Variants in ANKRD26 observed in about 807,000 individuals in gnomAD.
ANKRD26 encodes the protein ankyrin repeat domain 26, also known as ankyrin repeat domain-containing protein 26.
In ANKRD26, 141 loss-of-function variants were observed where a neutral mutation model predicts 208.7. The ratio of observed to expected loss-of-function variants is 0.68; its 90% CI spans 0.59 to 0.78. The LOEUF (loss-of-function observed/expected upper bound fraction) is 0.78. ANKRD26 is among the 30% of genes least tolerant of loss of function. ANKRD26 has a pLI of 0.00. For synonymous variants in ANKRD26, 636 were observed against 660.4 expected, an observed-to-expected ratio of 0.96 and a Z score of 0.57; for missense variants, 1,889 against 1,938.7, an observed-to-expected ratio of 0.97 and a Z score of 0.48.
Position 27,013,073 on chromosome 10 carries a change from G to A in ANKRD26, c.4762C>T (p.Leu1588Phe), listed in dbSNP as rs778242497. ...ERLAEVNTKLLVEKQQSRSLF... is the reference protein window; with the variant it reads ...ERLAEVNTKLFVEKQQSRSLF... ...GATCTGCTCTGCTGTTTTTCCACAA[G>A]AAGTTTGGTGTTGACCTCTGCTAGC... Residue 1588 changes from leucine (L) to phenylalanine (F), a missense_variant, in exon 32 of 34, where the codon CTT becomes TTT. Transcript: ENST00000376087. 41 of 1,613,870 alleles carry A rather than the reference G, an allele frequency of 2.5e-5. No homozygotes were observed. The highest frequency in any genetic ancestry group is 3.4e-5 in the Non-Finnish European group (40 of 1,179,938).
intron 9 of ANKRD26, among the ~76,000 whole-genome samples, chr10:27,069,972 C>G (rs763324318): frequency 1.3e-5 from 2 of 151,796 alleles, no homozygotes; most frequent in African/African-American, 4.8e-5. Context: ...AAATAAATAG[C>G]TAGGCATGGT....
intron 4 of ANKRD26, among the ~76,000 whole-genome samples, chr10:26,995,495 A>G (rs1223637258): frequency 6.6e-6 from 1 of 152,226 alleles, no homozygotes; most frequent in Non-Finnish European, 1.5e-5. Flanking sequence ...TGCTAAAAAA[A>G]GGAAGGCAGA....
chr10:27,002,847 G>C (rs2052755135), downstream of ANKRD26, among the ~76,000 whole-genome samples: 1 of 152,144 alleles, frequency 6.6e-6, no homozygotes, highest in Non-Finnish European at 1.5e-5. Flanking sequence ...TTTATTCCTT[G>C]ATTTAACACA....
intron 9 of ANKRD26, among the ~76,000 whole-genome samples, chr10:27,069,194 C>CAAAAAA: frequency 1.1e-5 from 1 of 88,124 alleles, no homozygotes; most frequent in Non-Finnish European, 2.1e-5. Flanking sequence ...GACGTCGTCT[C>CAAAAAA]AAAAAAAAAA....
downstream of ANKRD26, among the ~76,000 whole-genome samples, chr10:26,971,570 G>T (rs899198838): frequency 4.0e-4 from 61 of 151,024 alleles, no homozygotes; most frequent in Non-Finnish European, 8.3e-4. Flanking sequence ...AGCTACTCAG[G>T]CAGGCTGAGG....
chr10:27,086,413 G>GA, intron 5 of ANKRD26, 126 bp downstream of exon 5: 1 of 1,223,778 alleles, frequency 8.2e-7, no homozygotes, highest in Non-Finnish European at 1.1e-6. Flanking sequence ...GAGAAATTAA[G>GA]AAAAAATACA....
chr10:26,969,601 A>G (rs1039775123), downstream of ANKRD26, among the ~76,000 whole-genome samples: 1 of 152,216 alleles, frequency 6.6e-6, no homozygotes, highest in African/African-American at 2.4e-5. Context: ...GGATCCAGAC[A>G]TTCAGCTTCC....
At chr10:27,072,524 G>C (rs2055541015) in intron 9 of ANKRD26, among the ~76,000 whole-genome samples, 1 of 152,124 alleles carries the variant, frequency 6.6e-6, no homozygotes, top group Non-Finnish European at 1.5e-5. Context: ...CAATGGACAG[G>C]GACTTTTGGG....
downstream of ANKRD26, among the ~76,000 whole-genome samples, chr10:27,002,179 G>A (rs1194256956): frequency 2.0e-5 from 3 of 152,168 alleles, no homozygotes; most frequent in African/African-American, 7.2e-5. Context: ...GGAGGAAAGT[G>A]GTGAAGGCAA....
intron 33 of ANKRD26, among the ~76,000 whole-genome samples, chr10:27,006,016 A>T (rs2052863753): frequency 6.6e-6 from 1 of 152,164 alleles, no homozygotes; most frequent in Non-Finnish European, 1.5e-5. Context: ...GATATGATCC[A>T]CCTCTAACAA....
downstream of ANKRD26, among the ~76,000 whole-genome samples, chr10:26,970,154 C>G (rs187087807): frequency 6.6e-6 from 1 of 151,982 alleles, no homozygotes; most frequent in African/African-American, 2.4e-5. Flanking sequence ...TTGTTTAATA[C>G]TAGATAATTG....
At chr10:27,014,090 A>G (rs2053208875) in intron 31 of ANKRD26, among the ~76,000 whole-genome samples, 1 of 152,190 alleles carries the variant, frequency 6.6e-6, no homozygotes, top group Non-Finnish European at 1.5e-5. Context: ...GAATGTGCAG[A>G]GTAGTAGTGA....
At chr10:27,077,717 C>G (rs781138555) in intron 7 of ANKRD26, 24 bp from the exon 8 acceptor site, 7 of 1,588,404 alleles carry the variant, frequency 4.4e-6, no homozygotes, top group Non-Finnish European at 5.2e-6. Flanking sequence ...ATAAGAATAA[C>G]AAGTTTTAAA....
chr10:27,017,748 A>T lies in ANKRD26; in HGVS notation c.4260T>A (p.Cys1420Ter). Residue 1420 changes from cysteine (C) to a stop codon, truncating the protein, a stop_gained, in exon 30 of 34, where the codon TGT (cysteine) becomes TGA (stop). Coordinates refer to ENST00000376087, the MANE Select transcript of ANKRD26 (RefSeq NM_014915.3). LOFTEE classifies it high-confidence loss of function. The part of the protein sequence containing the change: ...TAELETAGSK[C>*]LHLDTKNQIL... Reference sequence around the variant, plus strand: ...TTTGGTTCTTTGTATCCAGATGTAGACATTTTGAACCTGCAGTCTCCAGTT... The same window carrying T: ...TTTGGTTCTTTGTATCCAGATGTAGTCATTTTGAACCTGCAGTCTCCAGTT... 1 of 1,613,258 alleles carries T rather than the reference A, an allele frequency of 6.2e-7. No homozygotes were observed. Among genetic ancestry groups the T allele is most frequent in the Non-Finnish European group, 8.5e-7 (1 of 1,179,820 alleles).
intron 3 of ANKRD26, among the ~76,000 whole-genome samples, chr10:27,093,029 C>T (rs1427097209): frequency 2.0e-5 from 3 of 151,684 alleles, no homozygotes; most frequent in African/African-American, 7.3e-5. Flanking sequence ...GCAGAGGTTG[C>T]AGTGAGCCGA....
At chr10:26,984,807 G>A (rs2052359205) in intron 3 of ANKRD26, among the ~76,000 whole-genome samples, 1 of 152,146 alleles carries the variant, frequency 6.6e-6, no homozygotes, top group South Asian at 2.1e-4. Context: ...AGGAGTTCTA[G>A]GCCAGGACAG....
chr10:26,966,542 T>C, the ANKRD26 span, among the ~76,000 whole-genome samples: 5 of 152,286 alleles, frequency 3.3e-5, no homozygotes, highest in Non-Finnish European at 7.4e-5. Flanking sequence ...CAAACCACCA[T>C]GGCACACGTA....
rs187956721 is a variant in ANKRD26 at position 26,974,434 on chromosome 10, G to A, written c.*1890C>T. On this transcript the variant is annotated 3_prime_UTR_variant and NMD_transcript_variant, in exon 6 of 6. Coordinates refer to the ANKRD26 transcript ENST00000674670. Reference sequence around the variant, plus strand: ...CAGCTCACTGCAAGCTCTGCCTCCCGGGTTCACACCATTCTCCTGCCTCAG... The same window carrying A: ...CAGCTCACTGCAAGCTCTGCCTCCCAGGTTCACACCATTCTCCTGCCTCAG... Among the ~76,000 whole-genome samples, 303 of 151,334 alleles carry A rather than the reference G, an allele frequency of 2.0e-3. 3 individuals are homozygous for A. The highest frequency in any genetic ancestry group is 5.5e-3 in the East Asian group (28 of 5,136).
chr10:26,953,753 T>C, the ANKRD26 span, among the ~76,000 whole-genome samples: 1 of 152,188 alleles, frequency 6.6e-6, no homozygotes, highest in Non-Finnish European at 1.5e-5. Context: ...TTCTCTGGGG[T>C]TTTTAGTCTA....
Sources: gnomAD v4.1 joint callset for allele counts (sites outside exome capture counted in the v4.1 genomes callset) on GRCh38, gnomAD v4.1.1 for gene constraint, MANE v1.5 for transcripts, NCBI Gene and HGNC (gene_info 2026-07-23, HGNC 2026-07-21) for gene names.